Variants in PDE1A observed in about 807,000 individuals in gnomAD.
PDE1A encodes phosphodiesterase 1A.
Under a neutral mutation model 61.7 loss-of-function variants are expected in PDE1A, and 35 were observed. That is an observed-to-expected ratio of 0.57 (90% CI 0.43 to 0.75). The LOEUF (loss-of-function observed/expected upper bound fraction) is 0.75, where lower values mean the gene tolerates loss of function less well. Ranked by LOEUF, PDE1A falls within the 30% of genes least tolerant of loss-of-function variation. The probability of loss-of-function intolerance (pLI) is 0.00; values close to 1 mark genes in which losing one functional copy is unlikely to be tolerated. For missense variants in PDE1A, 597 were observed against 630.6 expected (o/e 0.95, Z 0.57); for synonymous variants, 232 against 213.2 (o/e 1.09, Z -0.77).
the PDE1A span, among the ~76,000 whole-genome samples, chr2:182,545,000 A>C: frequency 6.6e-6 from 1 of 152,170 alleles, no homozygotes; most frequent in African/African-American, 2.4e-5. Flanking sequence ...TAATTAAATA[A>C]ATACCGGTCT....
upstream of PDE1A, among the ~76,000 whole-genome samples, chr2:182,524,367 G>A (rs1208397299): frequency 6.6e-6 from 1 of 152,188 alleles, no homozygotes; most frequent in Non-Finnish European, 1.5e-5. Flanking sequence ...GACATGAAAT[G>A]TCAAGACCTC....
At chr2:182,503,485 T>A (rs1237038151) in intron 2 of PDE1A, among the ~76,000 whole-genome samples, 1 of 152,154 alleles carries the variant, frequency 6.6e-6, no homozygotes. Flanking sequence ...TCTCTCCACA[T>A]TCAATTATTC....
the PDE1A span, among the ~76,000 whole-genome samples, chr2:182,617,730 C>G: frequency 1.3e-5 from 2 of 152,160 alleles, no homozygotes; most frequent in Non-Finnish European, 2.9e-5. Flanking sequence ...TATCTCCATG[C>G]CTTTGCATTG....
At chr2:182,377,041 T>C (rs1286800656) in intron 1 of PDE1A, among the ~76,000 whole-genome samples, 1 of 152,170 alleles carries the variant, frequency 6.6e-6, no homozygotes, top group African/African-American at 2.4e-5. Flanking sequence ...AAGATGAGAT[T>C]TGGGTGGGGA....
intron 2 of PDE1A, among the ~76,000 whole-genome samples, chr2:182,465,621 A>G (rs566672063): frequency 1.1e-3 from 162 of 152,228 alleles, no homozygotes; most frequent in African/African-American, 3.6e-3. Flanking sequence ...TCCATAAAAT[A>G]TTAACCTTAA....
At chr2:182,325,881 T>C (rs565564388) in intron 1 of PDE1A, among the ~76,000 whole-genome samples, 8 of 152,304 alleles carry the variant, frequency 5.3e-5, no homozygotes, top group African/African-American at 1.9e-4. Flanking sequence ...ATCACGCCAC[T>C]GCACTCCAAC....
At chr2:182,559,737 T>G in the PDE1A span, among the ~76,000 whole-genome samples, 6 of 152,126 alleles carry the variant, frequency 3.9e-5, no homozygotes. Flanking sequence ...CAAATGCTCA[T>G]CAACGGTGCA....
chr2:182,215,644 G>A (rs1241831118), intron 7 of PDE1A, among the ~76,000 whole-genome samples: 1 of 130,306 alleles, frequency 7.7e-6, no homozygotes, highest in African/African-American at 3.0e-5. Flanking sequence ...ACACCTCTAC[G>A]CAAATAAACT....
the PDE1A span, among the ~76,000 whole-genome samples, chr2:182,630,025 C>T: frequency 6.6e-6 from 1 of 152,040 alleles, no homozygotes; most frequent in Non-Finnish European, 1.5e-5. Flanking sequence ...TATGATTTGC[C>T]TATTTTTCTC....
At chr2:182,622,017 C>T in the PDE1A span, among the ~76,000 whole-genome samples, 323 of 152,216 alleles carry the variant, frequency 2.1e-3, 4 homozygotes, top group Admixed American at 8.2e-3. Flanking sequence ...AACTACAGAA[C>T]ATTATAGACT....
the PDE1A span, among the ~76,000 whole-genome samples, chr2:182,623,722 T>C: frequency 2.0e-5 from 3 of 152,232 alleles, no homozygotes; most frequent in African/African-American, 4.8e-5. Context: ...ACTTCATTTC[T>C]GCCCATAGGC....
chr2:182,690,551 T>A, the PDE1A span, among the ~76,000 whole-genome samples: 1 of 152,276 alleles, frequency 6.6e-6, no homozygotes, highest in East Asian at 1.9e-4. Context: ...GAGCTATGTA[T>A]GACAAACCCA....
the PDE1A span, among the ~76,000 whole-genome samples, chr2:182,568,060 A>G: frequency 6.6e-6 from 1 of 151,976 alleles, no homozygotes; most frequent in Non-Finnish European, 1.5e-5. Flanking sequence ...CGGCCTCCCA[A>G]AGTGCTAGGA....
chr2:182,310,157 T>G (rs1439227238), intron 1 of PDE1A, among the ~76,000 whole-genome samples: 1 of 152,202 alleles, frequency 6.6e-6, no homozygotes, highest in Non-Finnish European at 1.5e-5. Context: ...TATCATTCAC[T>G]TCAACATTGC....
chr2:182,580,247 T>C, the PDE1A span, among the ~76,000 whole-genome samples: 2 of 152,152 alleles, frequency 1.3e-5, no homozygotes, highest in African/African-American at 4.8e-5. Flanking sequence ...GGGAGTACCA[T>C]AACAAAGTAC....
intron 1 of PDE1A, among the ~76,000 whole-genome samples, chr2:182,391,393 G>A (rs764634976): frequency 6.6e-6 from 1 of 152,172 alleles, no homozygotes; most frequent in Non-Finnish European, 1.5e-5. Context: ...CACTGTGAGT[G>A]AGCTGGAAAT....
chr2:182,510,157 T>G (rs757266717), intron 2 of PDE1A, among the ~76,000 whole-genome samples: 2 of 152,084 alleles, frequency 1.3e-5, no homozygotes, highest in Non-Finnish European at 2.9e-5. Context: ...TTTAAATATT[T>G]TATAAAATAT....
the PDE1A span, among the ~76,000 whole-genome samples, chr2:182,684,756 G>A: frequency 1.1e-4 from 16 of 151,978 alleles, no homozygotes; most frequent in Admixed American, 2.0e-4. Flanking sequence ...TTGCCATGTT[G>A]GCCAGGCTGG....
chr2:182,460,495 T>C (rs1686211191), intron 2 of PDE1A, among the ~76,000 whole-genome samples: 1 of 152,136 alleles, frequency 6.6e-6, no homozygotes, highest in African/African-American at 2.4e-5. Context: ...TGCTTCAGCC[T>C]CCCAAGTATC....
Sources: gnomAD v4.1 joint callset for allele counts (sites outside exome capture counted in the v4.1 genomes callset) on GRCh38, gnomAD v4.1.1 for gene constraint, MANE v1.5 for transcripts, NCBI Gene and HGNC (gene_info 2026-07-23, HGNC 2026-07-21) for gene names.